Variants in CES5A observed in about 807,000 individuals in gnomAD.
The protein encoded by CES5A is carboxylesterase 5A.
A neutral mutation model predicts 62.9 loss-of-function variants in CES5A; 67 were observed. That is an observed-to-expected ratio of 1.07 (90% confidence interval 0.88 to 1.31). The LOEUF is 1.31. CES5A is among the 50% of genes most tolerant of loss of function. The pLI, the probability that CES5A is intolerant of heterozygous loss-of-function variation, is 0.00. For synonymous variants in CES5A, 296 were observed against 280.8 expected, an observed-to-expected ratio of 1.05 and a Z score of -0.54; for missense variants, 748 against 708.5, an observed-to-expected ratio of 1.06 and a Z score of -0.63.
chr16:55,916,473 G>A (rs1467551845), intron 1 of CES5A, among the ~76,000 whole-genome samples: 1 of 152,214 alleles, frequency 6.6e-6, no homozygotes, highest in Non-Finnish European at 1.5e-5. Flanking sequence ...GCCAGCCTAT[G>A]AGGCTAGAAG....
Position 55,869,642 on chromosome 16 carries a change from G to T in CES5A, c.520C>A (p.Gln174Lys). ...AAACCAAATATTCCTAGCCGGTACT[G>T]GACGACCACAACCAGCACGTCCTCA... ...AYEDVLVVVV[Q>K]YRLGIFGFFT... Residue 174 changes from glutamine (Q) to lysine (K), a missense_variant, in exon 4 of 13, where the codon CAG (glutamine) becomes AAG (lysine). Physicochemically the swap from Gln to Lys is moderately conservative, Grantham distance 53 (BLOSUM62 1). Coordinates refer to ENST00000290567, the MANE Select transcript of CES5A (RefSeq NM_001143685.2). 1 of 1,613,774 alleles carries T rather than the reference G, an allele frequency of 6.2e-7. No homozygotes were observed. Among genetic ancestry groups the T allele is most frequent in the Non-Finnish European group, 8.5e-7 (1 of 1,179,916 alleles).
intron 2 of CES5A, among the ~76,000 whole-genome samples, chr16:55,938,832 A>C (rs1477893614): frequency 8.4e-6 from 1 of 118,866 alleles, no homozygotes; most frequent in Non-Finnish European, 1.8e-5. Context: ...ACATATATAT[A>C]TATACACATA....
chr16:55,878,506 C>A (rs1311076706), upstream of CES5A, among the ~76,000 whole-genome samples: 7 of 151,882 alleles, frequency 4.6e-5, no homozygotes, highest in African/African-American at 1.7e-4. Flanking sequence ...ACCTTCAAAT[C>A]TTTTCTCATC....
intron 5 of CES5A, among the ~76,000 whole-genome samples, chr16:55,864,767 G>C (rs535841609): frequency 6.6e-6 from 1 of 152,144 alleles, no homozygotes; most frequent in Non-Finnish European, 1.5e-5. Flanking sequence ...GAATTAGCTG[G>C]GCATGGTGGC....
At chr16:55,878,770 A>T (rs1350403593), upstream of CES5A, among the ~76,000 whole-genome samples, 1 of 138,074 alleles carries the variant, frequency 7.2e-6, no homozygotes, top group Non-Finnish European at 1.5e-5. Flanking sequence ...GAACCCCATC[A>T]CTGCACCTCC....
intron 1 of CES5A, among the ~76,000 whole-genome samples, chr16:55,918,679 T>C (rs1259624690): frequency 6.6e-6 from 1 of 152,166 alleles, no homozygotes; most frequent in African/African-American, 2.4e-5. Context: ...AGCTTACAGA[T>C]AAGCAAGCAA....
chr16:55,868,592 T>C (rs1205074444), intron 4 of CES5A, among the ~76,000 whole-genome samples: 2 of 152,136 alleles, frequency 1.3e-5, no homozygotes, highest in Non-Finnish European at 2.9e-5. Context: ...CTTGGTAATG[T>C]GGATATTTTT....
chr16:55,881,639 G>T (rs560403260), intron 1 of CES5A, among the ~76,000 whole-genome samples: 1 of 152,082 alleles, frequency 6.6e-6, no homozygotes, highest in Non-Finnish European at 1.5e-5. Flanking sequence ...GAGATGAGAA[G>T]GTTCAGGGAT....
rs147695297 is a variant in CES5A, at chr16:55,859,408, A to C, written c.1056+139T>G. 3.0e-3 allele frequency: 2,255 copies of C among 757,368 alleles called. 40 individuals are homozygous for C. The highest frequency in any genetic ancestry group is 0.028 in the South Asian group (1,465 of 52,010). The allele number at this position is 757,368 out of a possible 1,614,324, so 46.9% of individuals were successfully genotyped here. ...TCACTTGCCCTCTTTCAGAGAGAGT[A>C]AAGGTGATCACTGTGTGCTTGGCTG... On this transcript the variant is annotated intron_variant, in intron 8 of 12. Transcript: ENST00000290567.
intron 1 of CES5A, among the ~76,000 whole-genome samples, chr16:55,904,793 T>A (rs1309813852): frequency 1.3e-5 from 2 of 152,104 alleles, no homozygotes; most frequent in African/African-American, 2.4e-5. Flanking sequence ...CAGACACTCA[T>A]CTTTCTAGTC....
At chr16:55,905,431 A>C (rs564110208) in intron 1 of CES5A, among the ~76,000 whole-genome samples, 1 of 151,474 alleles carries the variant, frequency 6.6e-6, no homozygotes, top group Admixed American at 6.6e-5. Context: ...CAGTGGCTCA[A>C]TCTCGGCTCA....
At chr16:55,866,139 G>A (rs1162641643) in intron 4 of CES5A, 23 bp from the exon 5 acceptor site, 36 of 1,598,786 alleles carry the variant, frequency 2.3e-5, no homozygotes, top group Non-Finnish European at 3.0e-5. Flanking sequence ...GGCAGGGTGA[G>A]AATTCTTGGT....
At chr16:55,863,232 T>G in intron 6 of CES5A, 116 bp downstream of exon 6, 1 of 702,646 alleles carries the variant, frequency 1.4e-6, no homozygotes, top group Non-Finnish European at 2.6e-6. Context: ...TGGGCCAGCA[T>G]GAGGTGCCTT....
intron 1 of CES5A, among the ~76,000 whole-genome samples, chr16:55,952,521 G>A (rs1404503750): frequency 6.6e-6 from 1 of 152,036 alleles, no homozygotes; most frequent in Admixed American, 6.5e-5. Flanking sequence ...ACAGCCTGTG[G>A]CAAGACCGAG....
intron 1 of CES5A, among the ~76,000 whole-genome samples, chr16:55,916,235 T>G (rs1159260773): frequency 3.3e-5 from 5 of 152,194 alleles, no homozygotes; most frequent in Non-Finnish European, 5.9e-5. Context: ...CGATGTTATC[T>G]GCAGGAGTAA....
rs145376312 is a variant in CES5A at position 55,919,711 on chromosome 16, A to G, written c.-256+5612T>C. On this transcript the variant is annotated intron_variant, in intron 1 of 12. Transcript: ENST00000518005. Reference sequence around the variant, plus strand: ...TTAAAAAATCAATTTATACATTCCAAAAATGTTTTCCCATCTGTTGTCTCA... The same window carrying G: ...TTAAAAAATCAATTTATACATTCCAGAAATGTTTTCCCATCTGTTGTCTCA... 2.1e-3 allele frequency among the ~76,000 whole-genome samples: 322 copies of G among 152,374 alleles called. 1 individual carries two copies. The highest frequency in any genetic ancestry group is 0.011 in the Admixed American group (174 of 15,302).
chr16:55,942,126 T>C (rs1183744201), intron 2 of CES5A, among the ~76,000 whole-genome samples: 1 of 152,194 alleles, frequency 6.6e-6, no homozygotes, highest in African/African-American at 2.4e-5. Flanking sequence ...ATAAAGCTTC[T>C]AGAATAAAAC....
At chr16:55,886,860 CCATGATTACATAGGATGTAATCA>C (rs551337394) in intron 1 of CES5A, among the ~76,000 whole-genome samples, 76 of 152,106 alleles carry the variant, frequency 5.0e-4, no homozygotes, top group African/African-American at 1.3e-3. Context: ...CTATGTAATC[CCATGATTACATAGGATGTAATCA>C]CATCAACAAA....
In CES5A at chr16:55,896,921, C is replaced by T. The variant is rs72810521; in HGVS notation, c.-255-22884G>A. On this transcript the variant is annotated intron_variant, in intron 1 of 12. Transcript: ENST00000518005. ...TAAAACTTTATAAGGAAGTCCATGC[C>T]TTTAACTCTTACTTTACCTACCTGA... Among the ~76,000 whole-genome samples, 1,380 of 152,314 alleles carry T rather than the reference C, an allele frequency of 9.1e-3. 6 individuals are homozygous for T. Among genetic ancestry groups the T allele is most frequent in the Non-Finnish European group, 0.014 (973 of 68,030 alleles).
Sources: gnomAD v4.1 joint callset for allele counts (sites outside exome capture counted in the v4.1 genomes callset) on GRCh38, gnomAD v4.1.1 for gene constraint, MANE v1.5 for transcripts, NCBI Gene and HGNC (gene_info 2026-07-23, HGNC 2026-07-21) for gene names.